The following PCNX4 variants were observed in gnomAD, a reference collection of about 807,000 sequenced individuals.
PCNX4 encodes the protein pecanex 4.
Under a neutral mutation model 107.2 loss-of-function variants are expected in PCNX4, and 103 were observed. That is an observed-to-expected ratio of 0.96 (90% CI 0.82 to 1.13). The LOEUF (loss-of-function observed/expected upper bound fraction) is 1.13. Ranked by LOEUF, PCNX4 falls within the 50% of genes most tolerant of loss-of-function variation. The pLI, the probability that PCNX4 is intolerant of heterozygous loss-of-function variation, is 0.00. For synonymous variants in PCNX4, 541 were observed against 481.7 expected (o/e 1.12, Z -1.61); for missense variants, 1,528 against 1,379.4 (o/e 1.11, Z -1.71).
At position 60,125,832 on chromosome 14, in the gene PCNX4, A is replaced by C; in HGVS notation, c.3267+9A>C. 1.0e-5 allele frequency: 16 copies of C among 1,578,588 alleles called. No homozygotes were observed. Among genetic ancestry groups the C allele is most frequent in the Non-Finnish European group, 1.4e-5 (16 of 1,164,530 alleles). On this transcript the variant is annotated intron_variant, in intron 10 of 10. Coordinates refer to ENST00000406854, the MANE Select transcript of PCNX4 (RefSeq NM_001330177.2). ...GGTATGATTCTAATATGGTAAGGTTAAAAAATTTTTAAACTTACATATACT... is the reference window on the plus strand; with the variant it reads ...GGTATGATTCTAATATGGTAAGGTTCAAAAATTTTTAAACTTACATATACT...
chr14:60,101,106 G>A (rs1469290867), intron 1 of PCNX4, among the ~76,000 whole-genome samples: 4 of 152,184 alleles, frequency 2.6e-5, no homozygotes, highest in Non-Finnish European at 5.9e-5. Context: ...CAGGTCTTCA[G>A]ATAAACTCAT....
Position 60,133,986 on chromosome 14 carries a change from G to A in PCNX4, c.3284G>A (p.Arg1095Lys), listed in dbSNP as rs781060555. ...ACTTTAAAGGGAATTTACACTGGGA[G>A]AGTGCTTAGCCTTCAAGAATTATTG... ...YDSNMGIYTG[R>K]VLSLQELLIQ... The change falls in exon 11 of 11, where the codon AGA becomes AAA. Residue 1095 changes from arginine to lysine, a missense_variant. Arg to Lys is a conservative substitution (Grantham distance 26). Coordinates refer to ENST00000406854, the MANE Select transcript of PCNX4 (RefSeq NM_001330177.2). The A allele has an allele frequency of 6.2e-7, 1 of 1,612,824 alleles. No individual in the cohort carries two copies. Among genetic ancestry groups the A allele is most frequent in the African/African-American group, 1.3e-5 (1 of 75,020 alleles).
intron 1 of PCNX4, among the ~76,000 whole-genome samples, chr14:60,093,678 A>G (rs753146257): frequency 6.6e-6 from 1 of 152,120 alleles, no homozygotes; most frequent in African/African-American, 2.4e-5. Context: ...GTAGACATAT[A>G]TGTTTTTATC....
intron 1 of PCNX4, among the ~76,000 whole-genome samples, chr14:60,100,952 ACAGT>A (rs1248955311): frequency 6.6e-6 from 1 of 152,128 alleles, no homozygotes; most frequent in Non-Finnish European, 1.5e-5. Flanking sequence ...TAATCAACTA[ACAGT>A]CAGGTACCCT....
intron 2 of PCNX4, 36 bp from the exon 3 acceptor site, chr14:60,114,664 T>C: frequency 6.4e-7 from 1 of 1,554,006 alleles, no homozygotes; most frequent in Non-Finnish European, 8.8e-7. Context: ...CTTCTATATA[T>C]TTCGTGTGAT....
intron 1 of PCNX4, among the ~76,000 whole-genome samples, chr14:60,107,033 A>T (rs1183189341): frequency 6.6e-6 from 1 of 152,218 alleles, no homozygotes; most frequent in Non-Finnish European, 1.5e-5. Flanking sequence ...TATGTGAGTT[A>T]AAGTCTAATT....
In PCNX4 at chr14:60,125,108, T is replaced by G. The variant is rs751594166; in HGVS notation, c.2937T>G (p.Tyr979Ter). The change falls in exon 9 of 11, where the codon TAT becomes TAG. Residue 979 changes from tyrosine (Y) to a stop codon, truncating the protein, a stop_gained. Coordinates refer to ENST00000406854, the MANE Select transcript of PCNX4 (RefSeq NM_001330177.2). LOFTEE classifies it high-confidence loss of function. The stretch of plus-strand genomic sequence containing the variant: ...ATGTTCATACAGTAATGACTTGTTA[T>G]TTTAGTTTATTTGGAATAGACAATA... ...DFYVHTVMTC[Y>*]FSLFGIDNMA... 1.2e-6 allele frequency: 2 copies of G among 1,613,258 alleles called. No individual in the cohort carries two copies. The highest frequency in any genetic ancestry group is 1.7e-6 in the Non-Finnish European group (2 of 1,179,508).
In PCNX4 at chr14:60,114,751, C is replaced by G. The variant is rs1895807918; in HGVS notation, c.741C>G (p.Ile247Met). The change falls in exon 3 of 11, where the codon ATC becomes ATG. Residue 247 changes from isoleucine to methionine, a missense_variant. Transcript: ENST00000406854. Reference protein sequence around the residue: ...ALEHMNQILHILFVFLPFLWA... With the variant: ...ALEHMNQILHMLFVFLPFLWA... ...AACACATGAATCAGATTTTACACAT[C>G]TTGTTTGTATTTTTACCCTTTCTGT... 1 of 1,613,430 alleles carries G rather than the reference C, an allele frequency of 6.2e-7. No homozygotes were observed. Among genetic ancestry groups the G allele is most frequent in the Non-Finnish European group, 8.5e-7 (1 of 1,179,740 alleles).
At chr14:60,101,231 A>T (rs1288221758) in intron 1 of PCNX4, among the ~76,000 whole-genome samples, 10 of 152,186 alleles carry the variant, frequency 6.6e-5, no homozygotes, top group Admixed American at 2.6e-4. Flanking sequence ...TTGATGTCTT[A>T]TGCCTCCCTA....
chr14:60,139,515 C>T lies in PCNX4; in HGVS notation c.*5294C>T, dbSNP rs1249064801. The T allele has an allele frequency of 6.6e-6, 1 of 151,916 alleles. No individual in the cohort carries two copies. Among genetic ancestry groups the T allele is most frequent in the Non-Finnish European group, 1.5e-5 (1 of 67,896 alleles). The allele number at this position is 151,916 out of a possible 1,614,324, so 9.4% of individuals were successfully genotyped here. A position where few individuals can be genotyped will look rare whatever the true frequency, so the allele number is the denominator to read the frequency against. ...AATGAGAAAAGACAAGTCTGCATTC[C>T]CAGATTTTAATATACTCAGTAACAG... On this transcript the variant is annotated 3_prime_UTR_variant, in exon 11 of 11. Coordinates refer to ENST00000406854, the MANE Select transcript of PCNX4 (RefSeq NM_001330177.2).
At chr14:60,118,230 G>A in intron 6 of PCNX4, 99 bp from the exon 7 acceptor site, 1 of 1,311,968 alleles carries the variant, frequency 7.6e-7, no homozygotes, top group Non-Finnish European at 9.8e-7. Context: ...AAAATACTGG[G>A]GCAATAATAA....
At position 60,147,796 on chromosome 14, in the gene PCNX4, A is replaced by G. The variant is rs1896445759; in HGVS notation, c.*13575A>G. 1 of 152,230 alleles carries G rather than the reference A, an allele frequency of 6.6e-6. No homozygotes were observed. Among genetic ancestry groups the G allele is most frequent in the South Asian group, 2.1e-4 (1 of 4,836 alleles). The allele number at this position is 152,230 out of a possible 1,614,324, so 9.4% of individuals were successfully genotyped here. A position where few individuals can be genotyped will look rare whatever the true frequency, so the allele number is the denominator to read the frequency against. ...GCAGAGCTGGGATTTGAACCCAGGT[A>G]GCCTAGCACCAGGCTGCATGCTCTG... On this transcript the variant is annotated 3_prime_UTR_variant, in exon 11 of 11. Coordinates refer to ENST00000406854, the MANE Select transcript of PCNX4 (RefSeq NM_001330177.2).
chr14:60,131,432 CA>C (rs1471768095), intron 10 of PCNX4, among the ~76,000 whole-genome samples: 1 of 151,878 alleles, frequency 6.6e-6, no homozygotes, highest in Non-Finnish European at 1.5e-5. Flanking sequence ...ATGAACAAAC[CA>C]AAAATGAAGT....
In PCNX4 at chr14:60,115,329, C is replaced by G. The variant is rs1196436016; in HGVS notation, c.1225C>G (p.Gln409Glu). Reference sequence around the variant, plus strand: ...AATACTGTGGATACTTAGAGAAATTCAAAGCGTATATATCATTGGAATTTT... The same window carrying G: ...AATACTGTGGATACTTAGAGAAATTGAAAGCGTATATATCATTGGAATTTT... Reference protein sequence around the residue: ...LIILWILREIQSVYIIGIFRN... With the variant: ...LIILWILREIESVYIIGIFRN... The change falls in exon 4 of 11, where the codon CAA becomes GAA. Residue 409 changes from glutamine (Q) to glutamate (E), a missense_variant. Gln to Glu is a conservative substitution (Grantham distance 29, BLOSUM62 2). Transcript: ENST00000406854. 4 of 1,608,308 alleles carry G rather than the reference C, an allele frequency of 2.5e-6. No homozygotes were observed. The Admixed American group carries it at 5.0e-5, about 20-fold the overall frequency.
At chr14:60,096,470 A>G (rs1294974609) in intron 1 of PCNX4, among the ~76,000 whole-genome samples, 1 of 152,250 alleles carries the variant, frequency 6.6e-6, no homozygotes. Flanking sequence ...AATGTGTCCA[A>G]CAAGATTGTA....
chr14:60,099,415 T>G lies in PCNX4; in HGVS notation c.-54+6996T>G, dbSNP rs117943581. 1.6e-4 allele frequency among the ~76,000 whole-genome samples: 24 copies of G among 152,350 alleles called. No individual in the cohort carries two copies. In the East Asian group the frequency reaches 2.7e-3, roughly 17 times the overall value. On this transcript the variant is annotated intron_variant, in intron 1 of 10. Transcript: ENST00000406854. The stretch of plus-strand genomic sequence containing the variant: ...ATTTTTAAACAAGCAGAAATTAGTT[T>G]TTCTTGATAAGTTTAATTTTGTTTA...
chr14:60,117,928 G>A, intron 6 of PCNX4, among the ~76,000 whole-genome samples: 1 of 152,068 alleles, frequency 6.6e-6, no homozygotes, highest in East Asian at 1.9e-4. Context: ...CTCTCTGTGG[G>A]TAGTTTTTAA....
Position 60,114,698 on chromosome 14 carries a change from A to G in PCNX4, c.690-2A>G, listed in dbSNP as rs1186399939. The G allele has an allele frequency of 6.3e-7, 1 of 1,597,492 alleles. No homozygotes were observed. The highest frequency in any genetic ancestry group is 8.5e-7 in the Non-Finnish European group (1 of 1,171,928). On this transcript the variant is annotated splice_acceptor_variant, in intron 2 of 10. Coordinates refer to ENST00000406854, the MANE Select transcript of PCNX4 (RefSeq NM_001330177.2). LOFTEE classifies it high-confidence loss of function. ...ATTTAAATGTTCTTTTTTTTTATAT[A>G]GGTTTGTGGTAAATATGCCAGCTCT...
intron 2 of PCNX4, among the ~76,000 whole-genome samples, chr14:60,111,645 G>A (rs1895742789): frequency 6.6e-6 from 1 of 152,048 alleles, no homozygotes; most frequent in Non-Finnish European, 1.5e-5. Flanking sequence ...TGAATCCTAG[G>A]TTCTTTAATT....
Sources: gnomAD v4.1 joint callset for allele counts (sites outside exome capture counted in the v4.1 genomes callset) on GRCh38, gnomAD v4.1.1 for gene constraint, MANE v1.5 for transcripts, NCBI Gene and HGNC (gene_info 2026-07-23, HGNC 2026-07-21) for gene names.